The following GATA4 variants were observed in gnomAD, a reference collection of about 807,000 sequenced individuals.
GATA4 encodes transcription factor GATA-4.
A neutral mutation model predicts 37.9 loss-of-function variants in GATA4; 7 were observed. The ratio of observed to expected loss-of-function variants is 0.18; its 90% confidence interval spans 0.11 to 0.35. The LOEUF (loss-of-function observed/expected upper bound fraction) is 0.35. Among genes scored for constraint, GATA4 ranks in the 10% least tolerant of loss-of-function variants. GATA4 has a pLI of 1.00. For missense variants in GATA4, 647 were observed against 653.0 expected (o/e 0.99, Z 0.10); for synonymous variants, 372 against 292.6 (o/e 1.27, Z -2.77).
At chr8:11,682,314 A>T (rs1798998386) in intron 1 of GATA4, among the ~76,000 whole-genome samples, 1 of 152,254 alleles carries the variant, frequency 6.6e-6, no homozygotes, top group Non-Finnish European at 1.5e-5. Flanking sequence ...GTAGAAATAG[A>T]TAACTTTGCC....
intron 1 of GATA4, among the ~76,000 whole-genome samples, chr8:11,677,228 G>A (rs1472246479): frequency 6.6e-6 from 1 of 152,226 alleles, no homozygotes; most frequent in Non-Finnish European, 1.5e-5. Context: ...GGGCCGAGGC[G>A]GAGGCTGTGG....
intron 2 of GATA4, among the ~76,000 whole-genome samples, chr8:11,732,598 G>T (rs1304220060): frequency 1.3e-5 from 2 of 152,184 alleles, no homozygotes; most frequent in East Asian, 3.8e-4. Context: ...GTGATTGATT[G>T]CCATAAAGAT....
At chr8:11,677,748 G>A (rs957310441) in intron 1 of GATA4, among the ~76,000 whole-genome samples, 1 of 152,122 alleles carries the variant, frequency 6.6e-6, no homozygotes. Flanking sequence ...GGTCAGCCAG[G>A]CTTGGTATAG....
chr8:11,720,959 G>A (rs369876676), intron 2 of GATA4, among the ~76,000 whole-genome samples: 5 of 152,036 alleles, frequency 3.3e-5, no homozygotes, highest in East Asian at 1.9e-4. Flanking sequence ...CTCCACATGC[G>A]TGATTTGTTT....
At chr8:11,693,016 G>A in intron 1 of GATA4, 1 of 985,410 alleles carries the variant, frequency 1.0e-6, no homozygotes, top group Non-Finnish European at 1.2e-6. Context: ...CGCGCACCGA[G>A]GCTTCTGCCA....
chr8:11,736,395 G>A (rs1422823802), intron 2 of GATA4, among the ~76,000 whole-genome samples: 2 of 152,370 alleles, frequency 1.3e-5, no homozygotes, highest in Middle Eastern at 3.4e-3. Flanking sequence ...GAGGTGAAAT[G>A]ACTGTTGGCT....
At chr8:11,750,028 C>G in intron 3 of GATA4, 83 bp from the exon 4 acceptor site, 1 of 1,602,206 alleles carries the variant, frequency 6.2e-7, no homozygotes, top group Non-Finnish European at 8.5e-7. Context: ...GTTAGGGAGG[C>G]CCAGCTCCGC....
chr8:11,698,744 C>T lies in GATA4; in HGVS notation c.-728-1764C>T, dbSNP rs560367799. On this transcript the variant is annotated intron_variant, in intron 1 of 2. Coordinates refer to the GATA4 transcript ENST00000526974. ...TCTGGCCAGGTTCCCAGCTCAACTT[C>T]CCAAATCCTGGCTGTGCACAGGGAA... Among the ~76,000 whole-genome samples, 197 of 152,300 alleles carry T rather than the reference C, an allele frequency of 1.3e-3. 3 individuals carry two copies. In the Middle Eastern group the frequency reaches 0.017, roughly 13 times the overall value.
intron 2 of GATA4, among the ~76,000 whole-genome samples, chr8:11,720,055 G>A (rs1286968111): frequency 6.6e-6 from 1 of 151,930 alleles, no homozygotes; most frequent in African/African-American, 2.4e-5. Context: ...CAGCCGCAGG[G>A]AGGTGAAAGC....
chr8:11,677,900 T>C (rs1182843665), intron 1 of GATA4, among the ~76,000 whole-genome samples: 1 of 152,062 alleles, frequency 6.6e-6, no homozygotes, highest in Non-Finnish European at 1.5e-5. Context: ...CTAATGCTTT[T>C]GGTTGCACAC....
intron 2 of GATA4, among the ~76,000 whole-genome samples, chr8:11,710,476 T>A (rs1800128069): frequency 6.8e-6 from 1 of 147,512 alleles, no homozygotes; most frequent in Admixed American, 6.7e-5. Flanking sequence ...GGCCAGGAGA[T>A]CGAGACCATC....
chr8:11,695,742 G>C (rs1008512558), intron 1 of GATA4, among the ~76,000 whole-genome samples: 4 of 152,190 alleles, frequency 2.6e-5, no homozygotes, highest in African/African-American at 9.7e-5. Flanking sequence ...CAGGATGTGA[G>C]AGGAGGATAA....
upstream of GATA4, chr8:11,692,018 G>A: frequency 1.0e-6 from 1 of 985,398 alleles, no homozygotes; most frequent in Non-Finnish European, 1.2e-6. Flanking sequence ...GCTTCGCAGG[G>A]GATCTGTTCA....
At chr8:11,754,242 G>C (rs1430837450) in intron 4 of GATA4, among the ~76,000 whole-genome samples, 2 of 152,094 alleles carry the variant, frequency 1.3e-5, no homozygotes, top group Admixed American at 1.3e-4. Flanking sequence ...TTGAAGATAG[G>C]GCCTTGCTCC....
At position 11,708,331 on chromosome 8, in the gene GATA4, A is replaced by C; in HGVS notation, c.19A>C (p.Met7Leu). 11 of 1,584,186 alleles carry C rather than the reference A, an allele frequency of 6.9e-6. No individual in the cohort carries two copies. Among genetic ancestry groups the C allele is most frequent in the Non-Finnish European group, 9.4e-6 (11 of 1,172,972 alleles). Residue 7 changes from methionine (M) to leucine (L), a missense_variant, in exon 2 of 7, where the codon ATG becomes CTG. Around this residue, in one of 5 missense-constraint regions of GATA4, gnomAD observed 379 missense variants for 334.5 expected, o/e 1.13. Transcript: ENST00000532059. The surrounding 1 kb of genome is among the most constrained non-coding windows in gnomAD (Gnocchi z 6.7). The part of the protein sequence containing the change: MYQSLA[M>L]AANHGPPPGA... ...AGGGACCATGTATCAGAGCTTGGCC[A>C]TGGCCGCCAACCACGGGCCGCCCCC...
intron 2 of GATA4, among the ~76,000 whole-genome samples, chr8:11,710,956 C>G (rs1320882280): frequency 6.6e-6 from 1 of 151,624 alleles, no homozygotes; most frequent in African/African-American, 2.4e-5. Flanking sequence ...ACTAAAAATA[C>G]AAAAATTAGC....
At chr8:11,713,756 A>G (rs965925011) in intron 2 of GATA4, among the ~76,000 whole-genome samples, 2 of 152,240 alleles carry the variant, frequency 1.3e-5, no homozygotes, top group African/African-American at 4.8e-5. Context: ...AATGCAGTAT[A>G]GAATATGGCT....
intron 1 of GATA4, among the ~76,000 whole-genome samples, chr8:11,684,197 T>C (rs1799067611): frequency 6.6e-6 from 1 of 152,170 alleles, no homozygotes; most frequent in Non-Finnish European, 1.5e-5. Flanking sequence ...CAAGCCAACC[T>C]TCCTCTGATG....
At position 11,709,678 on chromosome 8, in the gene GATA4, C is replaced by A. The variant is rs1449146067; in HGVS notation, c.616+750C>A. Among the ~76,000 whole-genome samples the A allele has an allele frequency of 6.6e-6, 1 of 151,984 alleles. No individual in the cohort carries two copies. The highest frequency in any genetic ancestry group is 2.4e-5 in the African/African-American group (1 of 41,402). On this transcript the variant is annotated intron_variant, in intron 2 of 6. Coordinates refer to ENST00000532059, the MANE Select transcript of GATA4 (RefSeq NM_001308093.3). The surrounding 1 kb of genome is among the most constrained non-coding windows in gnomAD (Gnocchi z 4.3). The stretch of plus-strand genomic sequence containing the variant: ...TAAATGGAGACTTTGCAGTCGCTTG[C>A]ACGCGTGGAGCCTCCTCTTCTCGCG...
Sources: gnomAD v4.1 joint callset for allele counts (sites outside exome capture counted in the v4.1 genomes callset) on GRCh38, gnomAD v4.1.1 for gene constraint, gnomAD v4.1.1 regional missense constraint, Gnocchi (gnomAD v3.1) non-coding constraint, MANE v1.5 for transcripts, NCBI Gene and HGNC (gene_info 2026-07-23, HGNC 2026-07-21) for gene names.